Variants in ANAPC1 observed in about 807,000 individuals in gnomAD.
The protein encoded by ANAPC1 is anaphase-promoting complex subunit 1.
ANAPC1 carries 36 observed loss-of-function variants against 208.0 expected under a neutral mutation model. The ratio of observed to expected loss-of-function variants is 0.17; its 90% CI spans 0.13 to 0.23. The LOEUF (loss-of-function observed/expected upper bound fraction) is 0.23, where lower values mean the gene tolerates loss of function less well. ANAPC1 is among the 10% of genes least tolerant of loss of function. The pLI is 1.00. For missense variants in ANAPC1, 942 were observed against 2,011.6 expected, an observed-to-expected ratio of 0.47 and a Z score of 10.17; for synonymous variants, 378 against 695.2, an observed-to-expected ratio of 0.54 and a Z score of 7.18.
chr2:111,879,108 G>A (rs10175926), intron 2 of ANAPC1, 137 bp from the exon 3 acceptor site: 431,550 of 785,316 alleles, frequency 0.55, 124,808 homozygotes, highest in South Asian at 0.67. Flanking sequence ...ACTGATTAAC[G>A]GAGGATGTGG....
In ANAPC1 at chr2:111,834,813, G is replaced by A. The variant is rs1680376355; in HGVS notation, c.2175C>T (p.Asn725=). ...YHQNVESHLL[N]RSLCLSPSEA... ...CTGAAGGACTCAGACATAAAGATCTGTTCAAAAGATGAGACTCAACATTCT... is the reference window on the plus strand; with the variant it reads ...CTGAAGGACTCAGACATAAAGATCTATTCAAAAGATGAGACTCAACATTCT... Residue 725 remains asparagine, a synonymous_variant, in exon 19 of 48, where the codon AAC becomes AAT. Coordinates refer to ENST00000341068, the MANE Select transcript of ANAPC1 (RefSeq NM_022662.4). 3.1e-6 allele frequency: 5 copies of A among 1,610,910 alleles called. No homozygotes were observed. Among genetic ancestry groups the A allele is most frequent in the South Asian group, 1.1e-5 (1 of 90,682 alleles).
chr2:111,868,697 G>A (rs1682569423), intron 6 of ANAPC1, among the ~76,000 whole-genome samples: 2 of 151,772 alleles, frequency 1.3e-5, no homozygotes, highest in African/African-American at 4.8e-5. Context: ...CGCCCAGCTA[G>A]TTTTTTTGTA....
intron 37 of ANAPC1, among the ~76,000 whole-genome samples, chr2:111,793,106 T>C (rs1677977717): frequency 6.6e-6 from 1 of 152,196 alleles, no homozygotes; most frequent in Non-Finnish European, 1.5e-5. Flanking sequence ...GCTTTTTCTC[T>C]GAATTTTTCC....
At chr2:111,847,506 C>A (rs1681156322) in intron 15 of ANAPC1, among the ~76,000 whole-genome samples, 1 of 152,194 alleles carries the variant, frequency 6.6e-6, no homozygotes, top group African/African-American at 2.4e-5. Context: ...ACTGACTCAA[C>A]AAGCTTTTGT....
chr2:111,864,089 G>C (rs1351835119), intron 8 of ANAPC1, among the ~76,000 whole-genome samples, 194 bp from the exon 9 acceptor site: 1 of 152,116 alleles, frequency 6.6e-6, no homozygotes, highest in Non-Finnish European at 1.5e-5. Flanking sequence ...CACTTTGGGA[G>C]GGTGAGGAGA....
Position 111,839,661 on chromosome 2 carries a change from T to C in ANAPC1, c.2041-1149A>G, listed in dbSNP as rs575781142. 3.9e-4 allele frequency among the ~76,000 whole-genome samples: 60 copies of C among 152,304 alleles called. 2 individuals carry two copies. In the South Asian group the frequency reaches 0.01, roughly 26 times the overall value. On this transcript the variant is annotated intron_variant, in intron 17 of 47. Transcript: ENST00000341068. ...AATAAAAAACAGCCCAACTCATATA[T>C]ATTATAAAAAACCTGGTAGTAACAG...
At chr2:111,879,662 G>A (rs1327928607) in intron 2 of ANAPC1, among the ~76,000 whole-genome samples, 2 of 152,068 alleles carry the variant, frequency 1.3e-5, no homozygotes, top group Non-Finnish European at 2.9e-5. Context: ...CCTGAGGTCT[G>A]GAGTTTGAGA....
At chr2:111,807,665 C>G (rs1290671893) in intron 29 of ANAPC1, among the ~76,000 whole-genome samples, 1 of 151,548 alleles carries the variant, frequency 6.6e-6, no homozygotes, top group African/African-American at 2.4e-5. Context: ...GTACTCCAGG[C>G]TGGGCAACAG....
At chr2:111,850,159 C>T (rs1473650713) in intron 14 of ANAPC1, among the ~76,000 whole-genome samples, 1 of 151,802 alleles carries the variant, frequency 6.6e-6, no homozygotes, top group Non-Finnish European at 1.5e-5. Flanking sequence ...CCTGCCTCAC[C>T]CTACAGACTA....
chr2:111,796,277 A>G (rs1678162522), intron 34 of ANAPC1, among the ~76,000 whole-genome samples: 1 of 149,564 alleles, frequency 6.7e-6, no homozygotes, highest in Non-Finnish European at 1.5e-5. Flanking sequence ...GGCACTTATA[A>G]TACAGTCTTC....
intron 44 of ANAPC1, chr2:111,778,978 G>GT (rs1459728341): frequency 6.4e-6 from 1 of 157,126 alleles, no homozygotes; most frequent in African/African-American, 2.5e-5. Context: ...GTTAAGGATA[G>GT]TAAGTGCTAC....
chr2:111,816,940 C>G (rs1176342823), intron 27 of ANAPC1, among the ~76,000 whole-genome samples: 1 of 82,302 alleles, frequency 1.2e-5, no homozygotes, highest in Non-Finnish European at 2.4e-5. Flanking sequence ...TCAAAAAAGG[C>G]AGACATATCA....
At chr2:111,868,748 G>A (rs1226980214) in intron 6 of ANAPC1, among the ~76,000 whole-genome samples, 1 of 152,156 alleles carries the variant, frequency 6.6e-6, no homozygotes, top group Admixed American at 6.6e-5. Context: ...GGCCAGGCTG[G>A]TCTTGAACTC....
At chr2:111,872,994 A>T (rs1682835613) in intron 5 of ANAPC1, 1 of 470,478 alleles carries the variant, frequency 2.1e-6, no homozygotes, top group Non-Finnish European at 3.8e-6. Flanking sequence ...AGGCATTAAA[A>T]AGACGATGAG....
At chr2:111,834,529 G>A in intron 19 of ANAPC1, 75 bp downstream of exon 19, 1 of 848,598 alleles carries the variant, frequency 1.2e-6, no homozygotes, top group Non-Finnish European at 1.6e-6. Context: ...GTCCCTATAT[G>A]ATACAAGGTT....
At chr2:111,790,540 G>GA (rs1330645022) in intron 38 of ANAPC1, among the ~76,000 whole-genome samples, 3 of 152,070 alleles carry the variant, frequency 2.0e-5, no homozygotes, top group South Asian at 2.1e-4. Context: ...ATAGCAGCGG[G>GA]AAAAAAACAT....
intron 42 of ANAPC1, among the ~76,000 whole-genome samples, chr2:111,783,260 C>T (rs1677379507): frequency 6.6e-6 from 1 of 152,186 alleles, no homozygotes; most frequent in African/African-American, 2.4e-5. Flanking sequence ...TGTCCCCACC[C>T]AAATCTCATG....
chr2:111,849,102 G>A (rs1410273319), intron 14 of ANAPC1, among the ~76,000 whole-genome samples: 2 of 152,112 alleles, frequency 1.3e-5, no homozygotes, highest in East Asian at 1.9e-4. Context: ...TGACAATCAA[G>A]ACTAAGATGT....
Position 111,862,352 on chromosome 2 carries a change from A to C in ANAPC1, c.1262+37T>G, listed in dbSNP as rs1371225842. On this transcript the variant is annotated intron_variant, in intron 10 of 47. Transcript: ENST00000341068. ...CATATATTTCCCAAGACTTTCAGCA[A>C]CATTTTTCTTTGAATATAATAATAT... 3 of 1,428,730 alleles carry C rather than the reference A, an allele frequency of 2.1e-6. No individual in the cohort carries two copies. In the African/African-American group the frequency reaches 4.3e-5, roughly 21 times the overall value. The allele number at this position is 1,428,730 out of a possible 1,614,324, so 88.5% of individuals were successfully genotyped here. A position where few individuals can be genotyped will look rare whatever the true frequency, so the allele number is the denominator to read the frequency against.
Sources: allele counts gnomAD v4.1 joint callset (sites outside exome capture counted in the v4.1 genomes callset), GRCh38; gene constraint gnomAD v4.1.1; transcripts MANE v1.5; gene names NCBI Gene and HGNC (gene_info 2026-07-23, HGNC 2026-07-21).